The following C2orf69 variants were observed in gnomAD, a reference collection of about 807,000 sequenced individuals.
C2orf69 encodes chromosome 2 open reading frame 69, also known as mitochondrial protein C2orf69.
In C2orf69, 19 loss-of-function variants were observed where a neutral mutation model predicts 29.5. The observed-to-expected ratio is 0.65, with a 90% CI of 0.45 to 0.95. The LOEUF is 0.95. Ranked by LOEUF, C2orf69 falls within the 40% of genes least tolerant of loss-of-function variation. C2orf69 has a pLI of 0.00. For missense variants in C2orf69, 416 were observed against 482.1 expected (o/e 0.86, Z 1.28); for synonymous variants, 194 against 180.0 (o/e 1.08, Z -0.62).
intron 1 of C2orf69, among the ~76,000 whole-genome samples, chr2:199,918,062 C>T (rs988380167): frequency 2.0e-5 from 3 of 152,168 alleles, no homozygotes; most frequent in Non-Finnish European, 2.9e-5. Flanking sequence ...AACTCACTGT[C>T]ACCAGAACAG....
At chr2:199,913,313 ATATT>A (rs1184778070) in intron 1 of C2orf69, among the ~76,000 whole-genome samples, 3 of 102,240 alleles carry the variant, frequency 2.9e-5, no homozygotes, top group Non-Finnish European at 5.3e-5. Context: ...ATTATAATAT[ATATT>A]ATATATAATA....
chr2:199,914,760 T>C (rs2106636352), intron 1 of C2orf69, among the ~76,000 whole-genome samples: 1 of 152,322 alleles, frequency 6.6e-6, no homozygotes, highest in Non-Finnish European at 1.5e-5. Flanking sequence ...GCTTTCTGTA[T>C]ACTGCCTGGA....
chr2:199,911,433 C>T lies in C2orf69; in HGVS notation c.-6C>T. 6.6e-7 allele frequency: 1 copy of T among 1,512,244 alleles called. No homozygotes were observed. The highest frequency in any genetic ancestry group is 8.8e-7 in the Non-Finnish European group (1 of 1,130,648). The allele number at this position is 1,512,244 out of a possible 1,614,324, so 93.7% of individuals were successfully genotyped here. Reference sequence around the variant, plus strand: ...CACCTCCGAACCGCTCTCGCGGCGGCGACCCATGTGGGGGTTCAGGCTCCT... The same window carrying T: ...CACCTCCGAACCGCTCTCGCGGCGGTGACCCATGTGGGGGTTCAGGCTCCT... On this transcript the variant is annotated 5_prime_UTR_variant, in exon 1 of 2. Transcript: ENST00000319974.
intron 1 of C2orf69, among the ~76,000 whole-genome samples, chr2:199,924,426 G>T (rs982094020): frequency 2.0e-5 from 3 of 152,160 alleles, no homozygotes; most frequent in African/African-American, 7.2e-5. Flanking sequence ...GGAATGAGGG[G>T]CAAAGGATAT....
At chr2:199,918,493 C>T (rs1450010878) in intron 1 of C2orf69, among the ~76,000 whole-genome samples, 1 of 152,122 alleles carries the variant, frequency 6.6e-6, no homozygotes, top group African/African-American at 2.4e-5. Context: ...TCCTGAGTAG[C>T]TGGGATTACA....
At chr2:199,912,895 C>A (rs1461171640) in intron 1 of C2orf69, among the ~76,000 whole-genome samples, 1 of 151,790 alleles carries the variant, frequency 6.6e-6, no homozygotes, top group South Asian at 2.1e-4. Flanking sequence ...CCCACCTTGG[C>A]CTCTGAAAGT....
In C2orf69 at chr2:199,927,101, C is replaced by T. The variant is rs2077338135; in HGVS notation, c.*1215C>T. ...GCTCAAAAACTGAATTTGCTTAACACTGCTACATAATTTGGGTGAAGTTTC... is the reference window on the plus strand; with the variant it reads ...GCTCAAAAACTGAATTTGCTTAACATTGCTACATAATTTGGGTGAAGTTTC... On this transcript the variant is annotated 3_prime_UTR_variant, in exon 2 of 2. Coordinates refer to ENST00000319974, the MANE Select transcript of C2orf69 (RefSeq NM_153689.6). 1 of 152,304 alleles carries T rather than the reference C, an allele frequency of 6.6e-6. No individual in the cohort carries two copies. Among genetic ancestry groups the T allele is most frequent in the Non-Finnish European group, 1.5e-5 (1 of 67,998 alleles). 9.4% of individuals were successfully genotyped at this position (152,304 alleles called of 1,614,324 possible).
chr2:199,916,162 T>C (rs770833845), intron 1 of C2orf69, among the ~76,000 whole-genome samples: 5 of 152,144 alleles, frequency 3.3e-5, no homozygotes, highest in African/African-American at 1.2e-4. Context: ...AATGTGTCCT[T>C]CTTCACATGG....
At chr2:199,920,940 A>G (rs1199182006) in intron 1 of C2orf69, among the ~76,000 whole-genome samples, 3 of 110,174 alleles carry the variant, frequency 2.7e-5, no homozygotes, top group Non-Finnish European at 5.2e-5. Flanking sequence ...TGGGGGACAG[A>G]GCCTGAGACT....
chr2:199,914,366 T>C (rs1050395450), intron 1 of C2orf69, among the ~76,000 whole-genome samples: 2 of 152,238 alleles, frequency 1.3e-5, no homozygotes, highest in African/African-American at 4.8e-5. Flanking sequence ...GTCTTCCTCA[T>C]GTCATTAATG....
chr2:199,924,971 C>T (rs2077330242), intron 1 of C2orf69, 91 bp from the exon 2 acceptor site: 13 of 767,252 alleles, frequency 1.7e-5, no homozygotes, highest in Non-Finnish European at 2.8e-5. Context: ...TGTAACATCC[C>T]TTCTCCACAA....
intron 1 of C2orf69, among the ~76,000 whole-genome samples, chr2:199,918,162 T>C (rs1415757849): frequency 6.6e-6 from 1 of 152,224 alleles, no homozygotes; most frequent in African/African-American, 2.4e-5. Flanking sequence ...GATGAGATTT[T>C]GGTGGGGACA....
At chr2:199,919,025 C>T (rs535095087) in intron 1 of C2orf69, among the ~76,000 whole-genome samples, 76 of 152,244 alleles carry the variant, frequency 5.0e-4, no homozygotes, top group African/African-American at 1.8e-3. Context: ...GAACATGGCT[C>T]ACTGCAGCCT....
Position 199,927,250 on chromosome 2 carries a change from T to TTA in C2orf69, c.*1364_*1365insTA, listed in dbSNP as rs1265903266. The TTA allele has an allele frequency of 6.8e-6, 1 of 147,646 alleles. No individual in the cohort carries two copies. The highest frequency in any genetic ancestry group is 2.0e-4 in the East Asian group (1 of 5,046). 9.1% of individuals were successfully genotyped at this position (147,646 alleles called of 1,614,324 possible). The stretch of plus-strand genomic sequence containing the variant: ...AAAAGGTGAGCAGTTTGTTGTTTAT[T>TTA]AATAATTAGCTTTTGCAGGTAATGA... On this transcript the variant is annotated 3_prime_UTR_variant, in exon 2 of 2. Transcript: ENST00000319974.
rs548946859 is a variant in C2orf69, at chr2:199,926,922, A to G, written c.*1036A>G. The stretch of plus-strand genomic sequence containing the variant: ...TCTATTTGTTAGAGCTCTATTAAAA[A>G]GGAAACAGATTCCATAGATCTAAGT... On this transcript the variant is annotated 3_prime_UTR_variant, in exon 2 of 2. Transcript: ENST00000319974. The G allele has an allele frequency of 6.5e-6, 1 of 152,800 alleles. No homozygotes were observed. The highest frequency in any genetic ancestry group is 1.9e-4 in the East Asian group (1 of 5,190). The allele number at this position is 152,800 out of a possible 1,614,324, so 9.5% of individuals were successfully genotyped here. A position where few individuals can be genotyped will look rare whatever the true frequency, so the allele number is the denominator to read the frequency against.
At chr2:199,917,024 C>G (rs942393281) in intron 1 of C2orf69, among the ~76,000 whole-genome samples, 7 of 152,336 alleles carry the variant, frequency 4.6e-5, no homozygotes, top group African/African-American at 1.7e-4. Context: ...CCTCTGAAAT[C>G]TAGGCAGAGG....
intron 1 of C2orf69, among the ~76,000 whole-genome samples, chr2:199,920,375 C>A (rs1403713544): frequency 6.6e-6 from 1 of 152,172 alleles, no homozygotes; most frequent in Non-Finnish European, 1.5e-5. Flanking sequence ...CATTCTCCTT[C>A]CTCTAATCGT....
Position 199,925,494 on chromosome 2 carries a change from G to A in C2orf69, c.766G>A (p.Ala256Thr), listed in dbSNP as rs755755680. ...MSFYPPSLND[A>T]SFTLIGFSKG... The stretch of plus-strand genomic sequence containing the variant: ...TTTTTATCCACCATCACTAAATGAC[G>A]CATCTTTTACTTTGATTGGATTCAG... The change falls in exon 2 of 2, where the codon GCA becomes ACA. Residue 256 changes from alanine (A) to threonine (T), a missense_variant. This residue lies in a region of C2orf69 where 225 missense variants were observed against 307.3 expected (regional missense o/e 0.73). Coordinates refer to ENST00000319974, the MANE Select transcript of C2orf69 (RefSeq NM_153689.6). The surrounding 1 kb of genome is among the most constrained non-coding windows in gnomAD (Gnocchi z 4.9). 6.8e-6 allele frequency: 11 copies of A among 1,613,636 alleles called. No homozygotes were observed. Among genetic ancestry groups the A allele is most frequent in the South Asian group, 3.3e-5 (3 of 91,076 alleles).
Position 199,922,952 on chromosome 2 carries a change from C to G in C2orf69, c.334-2110C>G, listed in dbSNP as rs546076391. Among the ~76,000 whole-genome samples the G allele has an allele frequency of 2.6e-5, 4 of 152,318 alleles. No individual in the cohort carries two copies. In the East Asian group the frequency reaches 7.7e-4, roughly 29 times the overall value. On this transcript the variant is annotated intron_variant, in intron 1 of 1. Transcript: ENST00000319974. ...AAGCCTGATCAGCACCTCTCCTTTT[C>G]CCCAAACCATCTCTCTGCCCCCCTT...
Sources: gnomAD v4.1 joint callset for allele counts (sites outside exome capture counted in the v4.1 genomes callset) on GRCh38, gnomAD v4.1.1 for gene constraint, gnomAD v4.1.1 regional missense constraint, Gnocchi (gnomAD v3.1) non-coding constraint, MANE v1.5 for transcripts, NCBI Gene and HGNC (gene_info 2026-07-23, HGNC 2026-07-21) for gene names.